PPP2CA: variants seen among roughly 807,000 people sequenced by gnomAD.
The protein encoded by PPP2CA is serine/threonine-protein phosphatase 2A catalytic subunit alpha isoform.
A neutral mutation model predicts 38.8 loss-of-function variants in PPP2CA; 5 were observed. The observed-to-expected ratio is 0.13, with a 90% confidence interval of 0.07 to 0.27. The LOEUF is 0.27. PPP2CA is among the 10% of genes least tolerant of loss of function. The pLI is 1.00. For missense variants in PPP2CA, 88 were observed against 389.7 expected (o/e 0.23, Z 6.52); for synonymous variants, 152 against 134.0 (o/e 1.13, Z -0.93).
intron 5 of PPP2CA, among the ~76,000 whole-genome samples, chr5:134,199,668 A>G (rs1761933159): frequency 6.6e-6 from 1 of 152,224 alleles, no homozygotes; most frequent in Non-Finnish European, 1.5e-5. Context: ...AGGCCTGTTA[A>G]GTTGGTCACT....
Position 134,202,274 on chromosome 5 carries a change from T to C in PPP2CA, c.313-253A>G, listed in dbSNP as rs1028540355. 2.4e-5 allele frequency: 9 copies of C among 377,670 alleles called. No homozygotes were observed. The Admixed American group carries it at 3.3e-4, about 14-fold the overall frequency. The allele number at this position is 377,670 out of a possible 1,614,324, so 23.4% of individuals were successfully genotyped here. A position where few individuals can be genotyped will look rare whatever the true frequency, so the allele number is the denominator to read the frequency against. On this transcript the variant is annotated intron_variant, in intron 2 of 6. Transcript: ENST00000481195. The stretch of plus-strand genomic sequence containing the variant: ...ATACCAAACATAAATCAATGGGCTA[T>C]TAAAACCCCATAAATTACTTTACGG...
intron 1 of PPP2CA, among the ~76,000 whole-genome samples, chr5:134,212,298 T>C (rs1469807922): frequency 4.6e-5 from 7 of 152,240 alleles, no homozygotes; most frequent in Non-Finnish European, 8.8e-5. Flanking sequence ...CTTCTTGTCT[T>C]TGTCACATCT....
At chr5:134,213,486 C>CA (rs1762251816) in intron 1 of PPP2CA, among the ~76,000 whole-genome samples, 1 of 147,326 alleles carries the variant, frequency 6.8e-6, no homozygotes, top group African/African-American at 2.5e-5. Flanking sequence ...CCCATCTCTA[C>CA]AAAAAAATTA....
At chr5:134,221,278 A>G (rs1473868122) in intron 1 of PPP2CA, among the ~76,000 whole-genome samples, 4 of 151,988 alleles carry the variant, frequency 2.6e-5, no homozygotes, top group African/African-American at 9.7e-5. Flanking sequence ...CGCCCGGCTA[A>G]TTTTTTGTAT....
Position 134,200,968 on chromosome 5 carries a change from T to A in PPP2CA, c.576+17A>T. On this transcript the variant is annotated intron_variant, in intron 4 of 6. Coordinates refer to ENST00000481195, the MANE Select transcript of PPP2CA (RefSeq NM_002715.4). ...TAATAAGTTTTCTGAAAGAATTTTA[T>A]CAAATAAAAGTCATACCTCATGGGG... The A allele has an allele frequency of 6.4e-7, 1 of 1,567,286 alleles. No homozygotes were observed. Among genetic ancestry groups the A allele is most frequent in the Non-Finnish European group, 8.8e-7 (1 of 1,138,052 alleles).
At chr5:134,209,550 C>T (rs1270377549) in intron 1 of PPP2CA, among the ~76,000 whole-genome samples, 1 of 152,048 alleles carries the variant, frequency 6.6e-6, no homozygotes, top group Non-Finnish European at 1.5e-5. Context: ...GAGGCTGAGG[C>T]GAGTGGATCA....
At chr5:134,225,321 G>C (rs1283034023) in intron 1 of PPP2CA, 3 of 161,474 alleles carry the variant, frequency 1.9e-5, no homozygotes, top group Admixed American at 6.4e-5. Context: ...ACTGCCTTTG[G>C]GGGATCCTCT....
At chr5:134,221,385 T>A (rs999826336) in intron 1 of PPP2CA, among the ~76,000 whole-genome samples, 4 of 152,184 alleles carry the variant, frequency 2.6e-5, no homozygotes, top group African/African-American at 9.6e-5. Context: ...AGTGCTAGGA[T>A]TACAGGCGTG....
rs1274735854 is a variant in PPP2CA, at chr5:134,197,380, A to G, written c.*392T>C. Reference sequence around the variant, plus strand: ...TAAAAATGTTCATTAAGCTCCAATGATTGTTTGCTGCTATCCTTATCTACA... The same window carrying G: ...TAAAAATGTTCATTAAGCTCCAATGGTTGTTTGCTGCTATCCTTATCTACA... On this transcript the variant is annotated 3_prime_UTR_variant, in exon 7 of 7. Coordinates refer to ENST00000481195, the MANE Select transcript of PPP2CA (RefSeq NM_002715.4). The G allele has an allele frequency of 6.1e-6, 1 of 164,790 alleles. No individual in the cohort carries two copies. The highest frequency in any genetic ancestry group is 2.4e-5 in the African/African-American group (1 of 41,910). The allele number at this position is 164,790 out of a possible 1,614,324, so 10.2% of individuals were successfully genotyped here. A position where few individuals can be genotyped will look rare whatever the true frequency, so the allele number is the denominator to read the frequency against.
At chr5:134,199,320 G>T in intron 5 of PPP2CA, 116 bp from the exon 6 acceptor site, 1 of 730,346 alleles carries the variant, frequency 1.4e-6, no homozygotes, top group South Asian at 1.7e-5. Context: ...AGGGGCTTAA[G>T]AAATGTTAAT....
chr5:134,218,610 G>A (rs948493819), intron 1 of PPP2CA, among the ~76,000 whole-genome samples: 2 of 151,798 alleles, frequency 1.3e-5, no homozygotes, highest in African/African-American at 4.8e-5. Flanking sequence ...CAACCACTCT[G>A]GGTCTCAGTT....
intron 1 of PPP2CA, among the ~76,000 whole-genome samples, chr5:134,216,968 AAAGTAATTTT>A (rs1762333835): frequency 1.3e-5 from 2 of 152,218 alleles, no homozygotes; most frequent in Admixed American, 1.3e-4. Context: ...TCCATTTTTG[AAAGTAATTTT>A]ACTACTAAAA....
chr5:134,212,824 A>G (rs982408537), intron 1 of PPP2CA, among the ~76,000 whole-genome samples: 1 of 152,220 alleles, frequency 6.6e-6, no homozygotes, highest in Non-Finnish European at 1.5e-5. Context: ...TGGTCTGGAT[A>G]GATCAAATCA....
At chr5:134,211,627 C>A (rs946322642) in intron 1 of PPP2CA, among the ~76,000 whole-genome samples, 16 of 128,420 alleles carry the variant, frequency 1.2e-4, no homozygotes, top group Non-Finnish European at 2.1e-4. Flanking sequence ...CAGATGCAAA[C>A]CACTCCCAGC....
chr5:134,219,863 T>C (rs1198766171), intron 1 of PPP2CA, among the ~76,000 whole-genome samples: 1 of 150,904 alleles, frequency 6.6e-6, no homozygotes, highest in Non-Finnish European at 1.5e-5. Flanking sequence ...ATAAAAAAAT[T>C]AGCTAGGCAT....
chr5:134,205,542 C>T (rs889357792), intron 2 of PPP2CA: 39 of 93,064 alleles, frequency 4.2e-4, no homozygotes, highest in African/African-American at 1.4e-3. Flanking sequence ...CCACCACCCC[C>T]GGCTAGTTTT....
intron 1 of PPP2CA, among the ~76,000 whole-genome samples, chr5:134,208,053 CTAAAT>C (rs955587260): frequency 1.3e-5 from 2 of 152,048 alleles, no homozygotes; most frequent in African/African-American, 4.8e-5. Context: ...ATGAAAATAA[CTAAAT>C]GAAATAAGTC....
chr5:134,206,281 T>C, intron 1 of PPP2CA, 150 bp from the exon 2 acceptor site: 1 of 674,268 alleles, frequency 1.5e-6, no homozygotes, highest in Admixed American at 3.0e-5. Flanking sequence ...ATAAGTGAGA[T>C]ATGATTATAA....
Position 134,195,118 on chromosome 5 carries a change from T to C in PPP2CA, c.*2654A>G, listed in dbSNP as rs1417486456. On this transcript the variant is annotated 3_prime_UTR_variant, in exon 7 of 7. Coordinates refer to ENST00000481195, the MANE Select transcript of PPP2CA (RefSeq NM_002715.4). ...AGAAATACCGACTACAACCAACAAA[T>C]GTTTAATATGCAGCAAATGAAAAAA... 2 of 152,134 alleles carry C rather than the reference T, an allele frequency of 1.3e-5. No individual in the cohort carries two copies. Among genetic ancestry groups the C allele is most frequent in the Admixed American group, 6.5e-5 (1 of 15,274 alleles). 9.4% of individuals were successfully genotyped at this position (152,134 alleles called of 1,614,324 possible).
Sources: gnomAD v4.1 joint callset for allele counts (sites outside exome capture counted in the v4.1 genomes callset) on GRCh38, gnomAD v4.1.1 for gene constraint, MANE v1.5 for transcripts, NCBI Gene and HGNC (gene_info 2026-07-23, HGNC 2026-07-21) for gene names.